The following EDRF1 variants were observed in gnomAD, a reference collection of about 807,000 sequenced individuals.
The protein encoded by EDRF1 is erythroid differentiation-related factor 1.
In EDRF1, 69 loss-of-function variants were observed where a neutral mutation model predicts 148.7. That is an observed-to-expected ratio of 0.46 (90% confidence interval 0.38 to 0.57). The LOEUF is 0.57. Among genes scored for constraint, EDRF1 ranks in the 20% least tolerant of loss-of-function variants. The pLI is 0.00. For missense variants in EDRF1, 1,118 were observed against 1,478.7 expected (o/e 0.76, Z 4.00); for synonymous variants, 515 against 532.8 (o/e 0.97, Z 0.46).
chr10:125,740,771 G>A, intron 16 of EDRF1, 120 bp downstream of exon 16: 2 of 1,228,438 alleles, frequency 1.6e-6, no homozygotes, highest in Non-Finnish European at 2.3e-6. Flanking sequence ...TAAAATGACT[G>A]TTTCCAATCC....
At chr10:125,744,986 T>C (rs1849266831) in intron 18 of EDRF1, 2 of 152,774 alleles carry the variant, frequency 1.3e-5, no homozygotes, top group Admixed American at 6.5e-5. Context: ...TTTGGGACAT[T>C]AAGTCAAAAT....
At chr10:125,731,725 G>A (rs1331620520) in intron 9 of EDRF1, 1 of 232,772 alleles carries the variant, frequency 4.3e-6, no homozygotes, top group Non-Finnish European at 9.6e-6. Context: ...CCATTTTGCA[G>A]ATAGTGTAAT....
At chr10:125,725,992 G>A in intron 6 of EDRF1, 154 bp downstream of exon 6, 1 of 871,234 alleles carries the variant, frequency 1.1e-6, no homozygotes, top group Non-Finnish European at 1.7e-6. Flanking sequence ...TTATGGAATT[G>A]GAGAAATACT....
intron 13 of EDRF1, 30 bp from the exon 14 acceptor site, chr10:125,737,888 G>A: frequency 6.2e-7 from 1 of 1,600,368 alleles, no homozygotes; most frequent in Non-Finnish European, 8.6e-7. Context: ...CATTGGTAGT[G>A]TATTAATAAT....
chr10:125,736,112 G>A (rs539336343), intron 13 of EDRF1, among the ~76,000 whole-genome samples: 1 of 152,296 alleles, frequency 6.6e-6, no homozygotes, highest in South Asian at 2.1e-4. Context: ...GTGGACAGGT[G>A]TGTAAACCAG....
chr10:125,743,328 G>A, intron 18 of EDRF1, 52 bp downstream of exon 18: 1 of 1,508,512 alleles, frequency 6.6e-7, no homozygotes, highest in Non-Finnish European at 9.2e-7. Flanking sequence ...AGAAAATTAT[G>A]CTAATTTTGT....
chr10:125,727,073 AT>A (rs1249816335), intron 6 of EDRF1, among the ~76,000 whole-genome samples: 1 of 152,176 alleles, frequency 6.6e-6, no homozygotes, highest in Non-Finnish European at 1.5e-5. Context: ...TATTGTACAA[AT>A]AAGTAAACTA....
intron 6 of EDRF1, among the ~76,000 whole-genome samples, chr10:125,727,954 T>C (rs924328292): frequency 8.6e-5 from 13 of 151,946 alleles, no homozygotes; most frequent in Non-Finnish European, 1.6e-4. Context: ...CCCAGCACTT[T>C]GGGAGGCCGA....
chr10:125,722,362 C>T (rs1279303917), intron 2 of EDRF1, among the ~76,000 whole-genome samples: 1 of 152,154 alleles, frequency 6.6e-6, no homozygotes, highest in Non-Finnish European at 1.5e-5. Flanking sequence ...CCTGAGAAAA[C>T]GGAAGCTGAG....
chr10:125,748,328 G>A (rs1346992819), intron 21 of EDRF1: 7 of 407,448 alleles, frequency 1.7e-5, no homozygotes, highest in African/African-American at 1.0e-4. Flanking sequence ...CAGCTCAGTA[G>A]TCATTAAATG....
chr10:125,747,923 G>A lies in EDRF1; in HGVS notation c.3034G>A (p.Val1012Met), dbSNP rs1339950428. The stretch of plus-strand genomic sequence containing the variant: ...CCTAAAATACTGCGATGTGGATTCA[G>A]TGTCTGCTCGACAGCCCCTTTGTCA... ...KSLKYCDVDS[V>M]SARQPLCQYR... The change falls in exon 21 of 25, where the codon GTG (valine) becomes ATG (methionine). Residue 1012 changes from valine to methionine, a missense_variant. By Grantham distance (21) the Val-to-Met change is conservative (BLOSUM62 1). Coordinates refer to ENST00000356792, the MANE Select transcript of EDRF1 (RefSeq NM_001202438.2). 1.9e-6 allele frequency: 3 copies of A among 1,614,068 alleles called. No individual in the cohort carries two copies. The highest frequency in any genetic ancestry group is 2.5e-6 in the Non-Finnish European group (3 of 1,180,044).
At position 125,752,820 on chromosome 10, in the gene EDRF1, A is replaced by G. The variant is rs778613955; in HGVS notation, c.3299A>G (p.Lys1100Arg). The G allele has an allele frequency of 1.2e-6, 2 of 1,613,784 alleles. No individual in the cohort carries two copies. Among genetic ancestry groups the G allele is most frequent in the Non-Finnish European group, 1.7e-6 (2 of 1,179,730 alleles). The change falls in exon 23 of 25, where the codon AAG (lysine) becomes AGG (arginine). Residue 1100 changes from lysine (K) to arginine (R), a missense_variant. Coordinates refer to ENST00000356792, the MANE Select transcript of EDRF1 (RefSeq NM_001202438.2). ...QMTSQNSNVG[K>R]LKTLSGALDI... Reference sequence around the variant, plus strand: ...TTAGGTCAGAATAGCAATGTTGGAAAGTTGAAAACACTATCTGGGGCTCTT... The same window carrying G: ...TTAGGTCAGAATAGCAATGTTGGAAGGTTGAAAACACTATCTGGGGCTCTT...
Position 125,747,664 on chromosome 10 carries a change from T to C in EDRF1, c.2943T>C (p.Tyr981=), listed in dbSNP as rs1849431020. 1.9e-6 allele frequency: 3 copies of C among 1,614,198 alleles called. No homozygotes were observed. The East Asian group carries it at 6.7e-5, about 36-fold the overall frequency. ...YFTMATLQQD[Y]APLSRKAQEQ... The stretch of plus-strand genomic sequence containing the variant: ...CTATGGCAACTCTACAGCAAGATTA[T>C]GCTCCGTTATCTAGAAAAGCTCAGG... The change falls in exon 20 of 25, where the codon TAT becomes TAC. Residue 981 remains tyrosine, a synonymous_variant. Transcript: ENST00000356792.
Position 125,740,983 on chromosome 10 carries a change from C to T in EDRF1, c.2171-18C>T, listed in dbSNP as rs773188129. The T allele has an allele frequency of 9.3e-6, 15 of 1,612,184 alleles. 1 individual carries two copies. The highest frequency in any genetic ancestry group is 4.0e-5 in the African/African-American group (3 of 74,848). On this transcript the variant is annotated intron_variant, in intron 16 of 24. Transcript: ENST00000356792. ...TTCTGCATTTGTGTTTTTTCTTCTT[C>T]CCTCCCTTTCTAAACAGATACTTAT...
At chr10:125,761,586 A>G (rs1035873828) in intron 24 of EDRF1, among the ~76,000 whole-genome samples, 4 of 152,322 alleles carry the variant, frequency 2.6e-5, no homozygotes, top group East Asian at 1.9e-4. Context: ...AAAGAATGTA[A>G]GTTAGTTCCC....
At chr10:125,758,241 G>A (rs954547149) in intron 24 of EDRF1, among the ~76,000 whole-genome samples, 62 of 152,144 alleles carry the variant, frequency 4.1e-4, no homozygotes, top group South Asian at 2.1e-4. Flanking sequence ...CTGACCTTGC[G>A]TGGCATCCAT....
At chr10:125,738,560 T>C (rs1174222260) in intron 15 of EDRF1, 115 bp downstream of exon 15, 4 of 1,241,392 alleles carry the variant, frequency 3.2e-6, no homozygotes, top group East Asian at 2.4e-5. Context: ...GAAAAAGATA[T>C]CCTGTGAACT....
chr10:125,732,665 A>C (rs1848532505), intron 9 of EDRF1, among the ~76,000 whole-genome samples: 2 of 152,234 alleles, frequency 1.3e-5, no homozygotes, highest in South Asian at 4.1e-4. Flanking sequence ...TGGGGACTTC[A>C]CATGAACAAA....
intron 21 of EDRF1, chr10:125,748,494 A>G (rs1169886627): frequency 5.2e-6 from 1 of 191,182 alleles, no homozygotes; most frequent in Non-Finnish European, 1.1e-5. Context: ...GAGGCCGAGG[A>G]TAAAGGCACT....
Sources: allele counts gnomAD v4.1 joint callset (sites outside exome capture counted in the v4.1 genomes callset), GRCh38; gene constraint gnomAD v4.1.1; transcripts MANE v1.5; gene names NCBI Gene and HGNC (gene_info 2026-07-23, HGNC 2026-07-21).